IQCM: variants seen among roughly 807,000 people sequenced by gnomAD.
IQCM encodes the protein IQ domain-containing protein M.
IQCM carries 45 observed loss-of-function variants against 57.6 expected under a neutral mutation model. The ratio of observed to expected loss-of-function variants is 0.78; its 90% CI spans 0.62 to 1.00. The LOEUF (loss-of-function observed/expected upper bound fraction) is 1.00, where lower values mean the gene tolerates loss of function less well. IQCM is among the 50% of genes least tolerant of loss of function. IQCM has a pLI of 0.00. For synonymous variants in IQCM, 148 were observed against 158.9 expected, an observed-to-expected ratio of 0.93 and a Z score of 0.51; for missense variants, 468 against 511.6, an observed-to-expected ratio of 0.91 and a Z score of 0.82.
chr4:149,442,943 CACACACACACAG>C (rs1736098381), intron 12 of IQCM, among the ~76,000 whole-genome samples: 1 of 53,702 alleles, frequency 1.9e-5, no homozygotes, highest in South Asian at 1.0e-3. Flanking sequence ...CACACACACA[CACACACACACAG>C]AGAGAGAGAG....
In IQCM at chr4:149,382,990, A is replaced by G. The variant is rs558598298; in HGVS notation, c.1391-30924T>C. On this transcript the variant is annotated intron_variant, in intron 13 of 13. Transcript: ENST00000636793. ...TTTGACATTAATGGTCATATTCTTC[A>G]GCAAAAAAAAAAAAAAAAGAAAAAT... Among the ~76,000 whole-genome samples, 125 of 141,752 alleles carry G rather than the reference A, an allele frequency of 8.8e-4. 1 individual carries two copies. The highest frequency in any genetic ancestry group is 3.0e-3 in the African/African-American group (115 of 38,650). The allele number at this position is 141,752 out of a possible 152,430, so 93.0% of individuals were successfully genotyped here.
At chr4:149,751,837 G>C (rs1350091498) in intron 2 of IQCM, among the ~76,000 whole-genome samples, 2 of 152,098 alleles carry the variant, frequency 1.3e-5, no homozygotes, top group African/African-American at 4.8e-5. Flanking sequence ...GACTCGGGGA[G>C]GGTGGGAATA....
At chr4:149,659,673 A>G (rs557830521) in intron 7 of IQCM, among the ~76,000 whole-genome samples, 14 of 152,028 alleles carry the variant, frequency 9.2e-5, no homozygotes, top group Non-Finnish European at 1.8e-4. Context: ...CAGAAATAAC[A>G]CCGCATATCT....
intron 13 of IQCM, among the ~76,000 whole-genome samples, chr4:149,362,134 A>G (rs565837241): frequency 9.9e-5 from 15 of 152,000 alleles, no homozygotes; most frequent in Non-Finnish European, 2.1e-4. Context: ...GTTTTGGCCA[A>G]TTTCTCCCAT....
chr4:149,576,813 A>G (rs1224981135), intron 9 of IQCM, among the ~76,000 whole-genome samples: 1 of 151,974 alleles, frequency 6.6e-6, no homozygotes, highest in East Asian at 1.9e-4. Flanking sequence ...AGAAATCTCC[A>G]AACTGCTTTC....
intron 8 of IQCM, among the ~76,000 whole-genome samples, chr4:149,588,712 C>T: frequency 6.6e-6 from 1 of 151,800 alleles, no homozygotes; most frequent in East Asian, 1.9e-4. Context: ...GAAACCAACC[C>T]CACGGACACC....
intron 2 of IQCM, among the ~76,000 whole-genome samples, chr4:149,754,430 C>A (rs1350077582): frequency 6.6e-6 from 1 of 152,212 alleles, no homozygotes; most frequent in East Asian, 1.9e-4. Flanking sequence ...CACTAATTAA[C>A]AAACATCTCT....
Position 149,547,205 on chromosome 4 carries a change from G to A in IQCM, c.1228+1250C>T, listed in dbSNP as rs1475411699. ...ATCTCTGTTTTGGTACCAGTACCAT[G>A]CTGTTTTGGTTACTGTAGCCTTGTA... On this transcript the variant is annotated intron_variant, in intron 12 of 13. Coordinates refer to ENST00000636793, the MANE Select transcript of IQCM (RefSeq NM_001363507.2). Among the ~76,000 whole-genome samples the A allele has an allele frequency of 3.3e-5, 5 of 152,232 alleles. No individual in the cohort carries two copies. In the East Asian group the frequency reaches 7.7e-4, roughly 24 times the overall value.
chr4:149,770,535 A>G (rs1203594870), intron 2 of IQCM, among the ~76,000 whole-genome samples: 2 of 152,128 alleles, frequency 1.3e-5, no homozygotes, highest in East Asian at 3.8e-4. Flanking sequence ...GATGCAAAAT[A>G]AAATTAGTAA....
intron 2 of IQCM, among the ~76,000 whole-genome samples, chr4:149,797,793 AG>A (rs1773244236): frequency 6.7e-6 from 1 of 148,452 alleles, no homozygotes; most frequent in Non-Finnish European, 1.5e-5. Context: ...AAAATGCTGA[AG>A]AAAAAAAAAA....
intron 13 of IQCM, among the ~76,000 whole-genome samples, chr4:149,377,840 C>T (rs2111015276): frequency 6.6e-6 from 1 of 152,198 alleles, no homozygotes; most frequent in South Asian, 2.1e-4. Context: ...CTCACCTGTC[C>T]TTCCAGAGCT....
chr4:149,609,330 A>G (rs935397965), intron 8 of IQCM, among the ~76,000 whole-genome samples: 1 of 151,932 alleles, frequency 6.6e-6, no homozygotes, highest in Non-Finnish European at 1.5e-5. Flanking sequence ...AGCTAATACT[A>G]ATCATACTCA....
chr4:149,424,518 T>G (rs1341899761), intron 13 of IQCM, among the ~76,000 whole-genome samples: 3 of 151,784 alleles, frequency 2.0e-5, no homozygotes, highest in African/African-American at 7.2e-5. Context: ...AATTAGAAAC[T>G]TCTGTTATAT....
chr4:149,565,515 A>G (rs1750539993), intron 9 of IQCM, among the ~76,000 whole-genome samples: 1 of 152,142 alleles, frequency 6.6e-6, no homozygotes, highest in Admixed American at 6.5e-5. Flanking sequence ...ATTGTATGTC[A>G]TTTGAACACT....
intron 13 of IQCM, among the ~76,000 whole-genome samples, chr4:149,357,764 T>A (rs185347630): frequency 3.3e-4 from 51 of 152,334 alleles, no homozygotes; most frequent in Middle Eastern, 3.4e-3. Flanking sequence ...CCTCATCAAA[T>A]GAGTTAGGGA....
intron 12 of IQCM, among the ~76,000 whole-genome samples, chr4:149,530,353 A>C (rs1046208979): frequency 6.6e-6 from 1 of 152,128 alleles, no homozygotes; most frequent in Non-Finnish European, 1.5e-5. Context: ...TACTGTACCC[A>C]TGGAACCTTG....
chr4:149,721,234 C>T (rs1034001774), intron 5 of IQCM, among the ~76,000 whole-genome samples: 1 of 152,096 alleles, frequency 6.6e-6, no homozygotes, highest in Non-Finnish European at 1.5e-5. Flanking sequence ...TTAAAGAATA[C>T]AAGAGTATGT....
chr4:149,535,177 C>G (rs531423961), intron 12 of IQCM, among the ~76,000 whole-genome samples: 1 of 152,016 alleles, frequency 6.6e-6, no homozygotes, highest in Admixed American at 6.6e-5. Context: ...GAAGTTTTCA[C>G]TTTACTGTAG....
intron 13 of IQCM, among the ~76,000 whole-genome samples, chr4:149,355,059 TA>T (rs904820073): frequency 1.3e-5 from 2 of 152,092 alleles, no homozygotes; most frequent in African/African-American, 2.4e-5. Context: ...CATAAGTATT[TA>T]AAAAATAGTT....
Sources: gnomAD v4.1 joint callset for allele counts (sites outside exome capture counted in the v4.1 genomes callset) on GRCh38, gnomAD v4.1.1 for gene constraint, MANE v1.5 for transcripts, NCBI Gene and HGNC (gene_info 2026-07-23, HGNC 2026-07-21) for gene names.